PDE12: variants seen among roughly 807,000 people sequenced by gnomAD.
PDE12 encodes phosphodiesterase 12.
Under a neutral mutation model 45.4 loss-of-function variants are expected in PDE12, and 26 were observed. That is an observed-to-expected ratio of 0.57 (90% CI 0.42 to 0.79). The LOEUF is 0.79. PDE12 is among the 30% of genes least tolerant of loss of function. The pLI is 0.00. For synonymous variants in PDE12, 283 were observed against 323.9 expected (o/e 0.87, Z 1.36); for missense variants, 668 against 790.0 (o/e 0.85, Z 1.85).
the PDE12 span, among the ~76,000 whole-genome samples, chr3:57,642,639 A>G: frequency 5.5e-4 from 83 of 152,264 alleles, no homozygotes; most frequent in Middle Eastern, 6.8e-3. Context: ...TTTAGATGTT[A>G]TCTTACAGGC....
chr3:57,631,950 C>T, the PDE12 span, among the ~76,000 whole-genome samples: 1 of 148,160 alleles, frequency 6.7e-6, no homozygotes, highest in African/African-American at 2.5e-5. Context: ...TCTTGATCTC[C>T]TGACCTCGTG....
At chr3:57,634,262 G>A in the PDE12 span, among the ~76,000 whole-genome samples, 15 of 129,180 alleles carry the variant, frequency 1.2e-4, no homozygotes, top group East Asian at 2.4e-4. Flanking sequence ...GTGAAACCCC[G>A]TCTCTACTAA....
chr3:57,630,795 T>C, the PDE12 span: 2 of 1,613,950 alleles, frequency 1.2e-6, no homozygotes, highest in Non-Finnish European at 1.7e-6. Flanking sequence ...TAAATTCTTC[T>C]GGAAGAAACT....
the PDE12 span, among the ~76,000 whole-genome samples, chr3:57,609,448 A>C: frequency 6.6e-6 from 1 of 151,924 alleles, no homozygotes; most frequent in Admixed American, 6.6e-5. Context: ...TGAATCCAGG[A>C]GCTGTTTTTT....
chr3:57,643,261 G>A, the PDE12 span, among the ~76,000 whole-genome samples: 1 of 152,102 alleles, frequency 6.6e-6, no homozygotes, highest in Admixed American at 6.6e-5. Context: ...AGAACTAAGT[G>A]AAAACTAATG....
At chr3:57,606,699 A>G in the PDE12 span, among the ~76,000 whole-genome samples, 1 of 152,196 alleles carries the variant, frequency 6.6e-6, no homozygotes, top group Non-Finnish European at 1.5e-5. Flanking sequence ...AAAAAAATGG[A>G]AACATTATTG....
In PDE12 at chr3:57,561,798, T is replaced by A; in HGVS notation, c.*1794T>A. The A allele has an allele frequency of 1.0e-6, 1 of 984,352 alleles. No individual in the cohort carries two copies. Among genetic ancestry groups the A allele is most frequent in the South Asian group, 4.7e-5 (1 of 21,284 alleles). 61.0% of individuals were successfully genotyped at this position (984,352 alleles called of 1,614,324 possible). A position where few individuals can be genotyped will look rare whatever the true frequency, so the allele number is the denominator to read the frequency against. ...CTTTCATATTCTGCTCACTATCAAA[T>A]GTATTGTTAACACTTAGTAAGTTTG... On this transcript the variant is annotated 3_prime_UTR_variant, in exon 3 of 3. Coordinates refer to ENST00000311180, the MANE Select transcript of PDE12 (RefSeq NM_177966.7).
chr3:57,633,878 C>T, the PDE12 span, among the ~76,000 whole-genome samples: 6 of 148,820 alleles, frequency 4.0e-5, no homozygotes, highest in South Asian at 6.4e-4. Context: ...GCAACAAGAG[C>T]GAAACTCCAT....
chr3:57,567,100 A>G (rs1038095006), downstream of PDE12, among the ~76,000 whole-genome samples: 2 of 152,168 alleles, frequency 1.3e-5, no homozygotes, highest in African/African-American at 4.8e-5. Context: ...ACTTGAGGTC[A>G]GGAGTTTGAA....
At chr3:57,617,712 T>C in the PDE12 span, among the ~76,000 whole-genome samples, 2 of 151,882 alleles carry the variant, frequency 1.3e-5, no homozygotes, top group East Asian at 3.9e-4. Context: ...AGAAATTTTT[T>C]TTAAATTAGC....
chr3:57,597,102 A>C, the PDE12 span: 1 of 1,614,076 alleles, frequency 6.2e-7, no homozygotes, highest in Non-Finnish European at 8.5e-7. Context: ...GCTTCTTGCC[A>C]AATAGTCGGG....
chr3:57,634,219 G>C, the PDE12 span, among the ~76,000 whole-genome samples: 2 of 151,958 alleles, frequency 1.3e-5, no homozygotes, highest in Admixed American at 1.3e-4. Context: ...TATCACTTAA[G>C]GCCAGGAGTT....
At chr3:57,572,302 T>C in the PDE12 span, 2 of 1,606,682 alleles carry the variant, frequency 1.2e-6, no homozygotes, top group South Asian at 2.2e-5. Flanking sequence ...CATACCACTG[T>C]AAAGAGAAGA....
At chr3:57,616,552 A>G in the PDE12 span, among the ~76,000 whole-genome samples, 1 of 152,204 alleles carries the variant, frequency 6.6e-6, no homozygotes, top group Admixed American at 6.5e-5. Flanking sequence ...ATAGCCTTGT[A>G]TCTATTTTAA....
chr3:57,655,841 A>G, the PDE12 span, among the ~76,000 whole-genome samples: 1 of 152,234 alleles, frequency 6.6e-6, no homozygotes, highest in East Asian at 1.9e-4. Flanking sequence ...AATCAGTAAC[A>G]AACAATAAAG....
chr3:57,631,819 T>A, the PDE12 span, among the ~76,000 whole-genome samples: 3 of 145,318 alleles, frequency 2.1e-5, no homozygotes, highest in Non-Finnish European at 4.5e-5. Context: ...GCCTCTTGGG[T>A]TCATGCCATT....
chr3:57,638,401 C>T, the PDE12 span, among the ~76,000 whole-genome samples: 113,459 of 151,770 alleles, frequency 0.75, 44,523 homozygotes, highest in East Asian at 1. Flanking sequence ...CTCACGCCTA[C>T]AATTGCAGCA....
chr3:57,634,469 C>T, the PDE12 span: 1 of 596,706 alleles, frequency 1.7e-6, no homozygotes, highest in Non-Finnish European at 2.5e-6. Flanking sequence ...TCCTATTTCA[C>T]ATTAGTATAC....
the PDE12 span, among the ~76,000 whole-genome samples, chr3:57,631,548 G>A: frequency 6.6e-6 from 1 of 151,954 alleles, no homozygotes; most frequent in Non-Finnish European, 1.5e-5. Flanking sequence ...CTATAGGCCA[G>A]ATAATGCACT....
Sources: gnomAD v4.1 joint callset for allele counts (sites outside exome capture counted in the v4.1 genomes callset) on GRCh38, gnomAD v4.1.1 for gene constraint, MANE v1.5 for transcripts, NCBI Gene and HGNC (gene_info 2026-07-23, HGNC 2026-07-21) for gene names.